PTPRR: variants seen among roughly 807,000 people sequenced by gnomAD.
PTPRR encodes the protein receptor-type tyrosine-protein phosphatase R.
PTPRR carries 38 observed loss-of-function variants against 77.2 expected under a neutral mutation model. That is an observed-to-expected ratio of 0.49 (90% CI 0.38 to 0.65). PTPRR has a LOEUF of 0.65. PTPRR is among the 30% of genes least tolerant of loss of function. The probability of loss-of-function intolerance (pLI) is 0.00; values close to 1 mark genes in which losing one functional copy is unlikely to be tolerated. For synonymous variants in PTPRR, 299 were observed against 283.1 expected (o/e 1.06, Z -0.57); for missense variants, 744 against 799.2 (o/e 0.93, Z 0.83).
intron 2 of PTPRR, among the ~76,000 whole-genome samples, chr12:70,818,629 G>A (rs1217816353): frequency 6.6e-6 from 1 of 152,078 alleles, no homozygotes; most frequent in Non-Finnish European, 1.5e-5. Context: ...TTTAAGTCAT[G>A]GTTGGCTCAT....
rs1269500644 is a variant in PTPRR, at chr12:70,732,321, AGTTAGGAGCCAAC to A, written c.1007+13484_1007+13496del. Among the ~76,000 whole-genome samples, 4 of 152,356 alleles carry A rather than the reference AGTTAGGAGCCAAC, an allele frequency of 2.6e-5. No homozygotes were observed. The South Asian group carries it at 8.3e-4, about 32-fold the overall frequency. Reference sequence around the variant, plus strand: ...ATAGGGATTTGGTAACAACATGCTAAGTTAGGAGCCAACGTAACAAGAGTAAAACAAATGATTC... The same window carrying A: ...ATAGGGATTTGGTAACAACATGCTAAGTAACAAGAGTAAAACAAATGATTC... On this transcript the variant is annotated intron_variant, in intron 6 of 13. Transcript: ENST00000283228.
At chr12:70,796,796 G>A (rs1458624564) in intron 2 of PTPRR, among the ~76,000 whole-genome samples, 1 of 152,174 alleles carries the variant, frequency 6.6e-6, no homozygotes, top group East Asian at 1.9e-4. Context: ...TTGGGAGGCT[G>A]AGGCAGGTGG....
intron 1 of PTPRR, among the ~76,000 whole-genome samples, chr12:70,896,865 G>A (rs1592821515): frequency 6.6e-6 from 1 of 151,760 alleles, no homozygotes; most frequent in African/African-American, 2.4e-5. Context: ...TTATTAAATA[G>A]GGAATCCTTT....
Position 70,656,722 on chromosome 12 carries a change from C to A in PTPRR, c.1862G>T (p.Cys621Phe), listed in dbSNP as rs1274215768. 2 of 1,613,440 alleles carry A rather than the reference C, an allele frequency of 1.2e-6. No individual in the cohort carries two copies. The highest frequency in any genetic ancestry group is 1.7e-6 in the Non-Finnish European group (2 of 1,179,528). The change falls in exon 13 of 14, where the codon TGC becomes TTC. Residue 621 changes from cysteine to phenylalanine, a missense_variant. Around this residue, in one of 3 missense-constraint regions of PTPRR, gnomAD observed 170 missense variants for 209.8 expected, o/e 0.81. Transcript: ENST00000283228. Reference protein sequence around the residue: ...EGVVDALSIVCQLRMDRGGMV... With the variant: ...EGVVDALSIVFQLRMDRGGMV... Reference sequence around the variant, plus strand: ...CACTCACCTATCCATACGAAGCTGGCAGACAATGCTTAGTGCATCCACAAC... The same window carrying A: ...CACTCACCTATCCATACGAAGCTGGAAGACAATGCTTAGTGCATCCACAAC...
At chr12:70,706,476 T>C (rs1157791959) in intron 6 of PTPRR, among the ~76,000 whole-genome samples, 1 of 152,040 alleles carries the variant, frequency 6.6e-6, no homozygotes, top group Non-Finnish European at 1.5e-5. Context: ...AGATGATATA[T>C]GAATTTCACC....
chr12:70,901,612 G>A (rs931421710), intron 1 of PTPRR, among the ~76,000 whole-genome samples: 10 of 151,608 alleles, frequency 6.6e-5, no homozygotes, highest in African/African-American at 1.7e-4. Flanking sequence ...ATCAACTCAA[G>A]ATGGATTAAG....
intron 6 of PTPRR, among the ~76,000 whole-genome samples, chr12:70,738,567 T>C (rs1179800292): frequency 2.6e-5 from 4 of 152,236 alleles, no homozygotes; most frequent in Non-Finnish European, 2.9e-5. Flanking sequence ...TTCCTTTCCA[T>C]AAAATTGGCC....
At chr12:70,855,721 G>A (rs1012926822) in intron 2 of PTPRR, among the ~76,000 whole-genome samples, 1 of 152,168 alleles carries the variant, frequency 6.6e-6, no homozygotes, top group Non-Finnish European at 1.5e-5. Context: ...AATGGCATGT[G>A]AAAACTGTTC....
At chr12:70,734,669 CAAGGA>C (rs942288731) in intron 6 of PTPRR, among the ~76,000 whole-genome samples, 1 of 152,168 alleles carries the variant, frequency 6.6e-6, no homozygotes, top group South Asian at 2.1e-4. Context: ...AAAGGGAAGG[CAAGGA>C]AAGGAAAGGA....
At chr12:70,815,744 C>T (rs750027150) in intron 2 of PTPRR, among the ~76,000 whole-genome samples, 3 of 152,122 alleles carry the variant, frequency 2.0e-5, no homozygotes, top group Non-Finnish European at 4.4e-5. Flanking sequence ...GATGTAAGGT[C>T]TCATTCATTG....
intron 2 of PTPRR, among the ~76,000 whole-genome samples, chr12:70,819,805 A>G (rs1479037209): frequency 1.3e-5 from 2 of 152,240 alleles, no homozygotes; most frequent in Non-Finnish European, 2.9e-5. Flanking sequence ...TATTTGTACA[A>G]TGGCATTAAA....
At chr12:70,655,460 A>G (rs1886541226) in intron 13 of PTPRR, among the ~76,000 whole-genome samples, 1 of 152,260 alleles carries the variant, frequency 6.6e-6, no homozygotes, top group African/African-American at 2.4e-5. Context: ...TCATAGCAGC[A>G]GTATTCACAA....
chr12:70,805,557 GCCTATGT>G (rs1891695665), intron 2 of PTPRR, among the ~76,000 whole-genome samples: 1 of 152,090 alleles, frequency 6.6e-6, no homozygotes, highest in African/African-American at 2.4e-5. Flanking sequence ...GATAGAGTCT[GCCTATGT>G]TGCCCAGGCT....
At chr12:70,893,722 G>A (rs1353274887) in intron 1 of PTPRR, among the ~76,000 whole-genome samples, 2 of 151,890 alleles carry the variant, frequency 1.3e-5, no homozygotes, top group African/African-American at 4.8e-5. Flanking sequence ...TCTGGTAGGA[G>A]CATGAGGTAG....
chr12:70,916,328 G>GA (rs1317035458), intron 1 of PTPRR, among the ~76,000 whole-genome samples: 1 of 152,066 alleles, frequency 6.6e-6, no homozygotes, highest in Non-Finnish European at 1.5e-5. Context: ...AATATGGCTG[G>GA]AGAGAGGTAA....
At chr12:70,918,366 T>G (rs1299515882) in intron 1 of PTPRR, among the ~76,000 whole-genome samples, 1 of 152,242 alleles carries the variant, frequency 6.6e-6, no homozygotes, top group Non-Finnish European at 1.5e-5. Flanking sequence ...ATCTTGCAAT[T>G]GAAATATAAA....
intron 6 of PTPRR, among the ~76,000 whole-genome samples, chr12:70,727,488 A>G (rs1301080542): frequency 6.6e-6 from 1 of 152,240 alleles, no homozygotes; most frequent in Non-Finnish European, 1.5e-5. Context: ...AAAATTATCA[A>G]AGAAAAATTC....
At chr12:70,898,048 T>C (rs1379067833) in intron 1 of PTPRR, among the ~76,000 whole-genome samples, 1 of 151,522 alleles carries the variant, frequency 6.6e-6, no homozygotes, top group East Asian at 1.9e-4. Flanking sequence ...ATATACCTAA[T>C]GCTAAATGAC....
Position 70,866,366 on chromosome 12 carries a change from C to T in PTPRR, c.357+26313G>A, listed in dbSNP as rs1452439216. Reference sequence around the variant, plus strand: ...AAAGGGGATATCACCACCGATCCCACAGAAATACAAACTACCATCAGAGAA... The same window carrying T: ...AAAGGGGATATCACCACCGATCCCATAGAAATACAAACTACCATCAGAGAA... On this transcript the variant is annotated intron_variant, in intron 2 of 13. Coordinates refer to ENST00000283228, the MANE Select transcript of PTPRR (RefSeq NM_002849.4). 2.0e-5 allele frequency among the ~76,000 whole-genome samples: 3 copies of T among 152,116 alleles called. No homozygotes were observed. In the South Asian group the frequency reaches 6.2e-4, roughly 31 times the overall value.
Sources: gnomAD v4.1 joint callset for allele counts (sites outside exome capture counted in the v4.1 genomes callset) on GRCh38, gnomAD v4.1.1 for gene constraint, gnomAD v4.1.1 regional missense constraint, MANE v1.5 for transcripts, NCBI Gene and HGNC (gene_info 2026-07-23, HGNC 2026-07-21) for gene names.